The following COMMD10 variants were observed in gnomAD, a reference collection of about 807,000 sequenced individuals.
COMMD10 encodes the protein COMM domain containing 10, also known as COMM domain-containing protein 10.
In COMMD10, 33 loss-of-function variants were observed where a neutral mutation model predicts 28.9. The ratio of observed to expected loss-of-function variants is 1.14; its 90% CI spans 0.87 to 1.53. The LOEUF (loss-of-function observed/expected upper bound fraction) is 1.53, where lower values mean the gene tolerates loss of function less well. Among genes scored for constraint, COMMD10 ranks in the 40% most tolerant of loss-of-function variants. The probability of loss-of-function intolerance (pLI) is 0.00; values close to 1 mark genes in which losing one functional copy is unlikely to be tolerated. For missense variants in COMMD10, 310 were observed against 233.4 expected (o/e 1.33, Z -2.14); for synonymous variants, 110 against 81.7 (o/e 1.35, Z -1.87).
At chr5:116,114,427 C>T (rs1751162168) in intron 4 of COMMD10, among the ~76,000 whole-genome samples, 3 of 152,004 alleles carry the variant, frequency 2.0e-5, no homozygotes, top group Admixed American at 1.3e-4. Flanking sequence ...TGTGGGCTGA[C>T]CTCCAGGCTG....
chr5:116,232,174 TA>T (rs1246058931), intron 5 of COMMD10, among the ~76,000 whole-genome samples: 1 of 152,134 alleles, frequency 6.6e-6, no homozygotes, highest in Admixed American at 6.6e-5. Context: ...AAGTCCAAGT[TA>T]CATTTGGGTT....
intron 1 of COMMD10, 73 bp from the exon 2 acceptor site, chr5:116,087,424 T>G: frequency 2.2e-6 from 2 of 892,288 alleles, no homozygotes; most frequent in Non-Finnish European, 3.8e-6. Context: ...AATGAAAACT[T>G]ATAGACAACT....
chr5:116,267,167 G>T (rs1750609714), intron 5 of COMMD10, among the ~76,000 whole-genome samples: 1 of 151,892 alleles, frequency 6.6e-6, no homozygotes. Context: ...GTCCCTGTTT[G>T]CAGATGACAT....
intron 5 of COMMD10, among the ~76,000 whole-genome samples, chr5:116,215,718 ATATATATATATATG>A (rs1561671236): frequency 1.4e-5 from 2 of 144,460 alleles, no homozygotes; most frequent in Non-Finnish European, 3.0e-5. Flanking sequence ...ATATATATAT[ATATATATATATATG>A]TATATATAAT....
chr5:116,133,461 G>T (rs1387336513), intron 4 of COMMD10, among the ~76,000 whole-genome samples: 1 of 152,294 alleles, frequency 6.6e-6, no homozygotes, highest in African/African-American at 2.4e-5. Flanking sequence ...GAGTACCTTG[G>T]AAAGTATGAT....
intron 5 of COMMD10, among the ~76,000 whole-genome samples, chr5:116,159,112 C>T (rs1176746890): frequency 6.6e-6 from 1 of 152,192 alleles, no homozygotes; most frequent in Non-Finnish European, 1.5e-5. Flanking sequence ...AATAGTCATA[C>T]TTTTAAAATA....
chr5:116,190,944 T>G (rs1748349953), intron 5 of COMMD10, among the ~76,000 whole-genome samples: 1 of 152,220 alleles, frequency 6.6e-6, no homozygotes, highest in African/African-American at 2.4e-5. Context: ...TTACCAAATT[T>G]GCTGGAACTA....
rs1396227714 is a variant in COMMD10, at chr5:116,230,231, T to C, written c.511-61286T>C. On this transcript the variant is annotated intron_variant, in intron 5 of 6. Coordinates refer to ENST00000274458, the MANE Select transcript of COMMD10 (RefSeq NM_016144.4). Reference sequence around the variant, plus strand: ...TACTACGTTTCTGTTTTTGCTTTTGTTTTATTTTTATCTCCATTACTTGTT... The same window carrying C: ...TACTACGTTTCTGTTTTTGCTTTTGCTTTATTTTTATCTCCATTACTTGTT... Among the ~76,000 whole-genome samples, 4 of 151,982 alleles carry C rather than the reference T, an allele frequency of 2.6e-5. No individual in the cohort carries two copies. In the East Asian group the frequency reaches 5.8e-4, roughly 22 times the overall value.
At chr5:116,270,153 T>A (rs1429734318) in intron 5 of COMMD10, among the ~76,000 whole-genome samples, 2 of 151,906 alleles carry the variant, frequency 1.3e-5, no homozygotes, top group Non-Finnish European at 1.5e-5. Flanking sequence ...AGCAAGGTTT[T>A]ATCCTTTTAC....
intron 5 of COMMD10, among the ~76,000 whole-genome samples, chr5:116,171,722 A>G (rs1753341541): frequency 1.3e-5 from 2 of 152,146 alleles, no homozygotes; most frequent in African/African-American, 4.8e-5. Context: ...GCAAAGTAAC[A>G]CAGGAACAGA....
intron 5 of COMMD10, among the ~76,000 whole-genome samples, chr5:116,222,559 T>C (rs1561674145): frequency 6.6e-6 from 1 of 152,206 alleles, no homozygotes; most frequent in Admixed American, 6.5e-5. Flanking sequence ...TGAGGGAATT[T>C]AATGTTCTTT....
intron 5 of COMMD10, among the ~76,000 whole-genome samples, chr5:116,163,443 A>AAAAAAC (rs1752986415): frequency 6.7e-6 from 1 of 149,636 alleles, no homozygotes; most frequent in Non-Finnish European, 1.5e-5. Context: ...AAAAAAAAAA[A>AAAAAAC]GCCAGGCTTG....
intron 5 of COMMD10, among the ~76,000 whole-genome samples, chr5:116,163,838 G>A (rs1488286185): frequency 6.6e-6 from 1 of 152,074 alleles, no homozygotes; most frequent in Non-Finnish European, 1.5e-5. Flanking sequence ...TAAATTGAAT[G>A]ATGTTCAAGG....
chr5:116,199,862 G>T (rs1374812097), intron 5 of COMMD10, among the ~76,000 whole-genome samples: 1 of 152,118 alleles, frequency 6.6e-6, no homozygotes, highest in Non-Finnish European at 1.5e-5. Context: ...TTACAGGTAT[G>T]TAGCACCATG....
At chr5:116,212,766 G>A (rs1367791870) in intron 5 of COMMD10, among the ~76,000 whole-genome samples, 1 of 152,014 alleles carries the variant, frequency 6.6e-6, no homozygotes, top group Non-Finnish European at 1.5e-5. Context: ...ATATAACTTA[G>A]TACAAACATC....
At chr5:116,129,066 CA>C (rs769434430) in intron 4 of COMMD10, among the ~76,000 whole-genome samples, 5 of 151,762 alleles carry the variant, frequency 3.3e-5, no homozygotes, top group Non-Finnish European at 7.4e-5. Flanking sequence ...TGTAAACATA[CA>C]ATTCCACGTG....
intron 4 of COMMD10, among the ~76,000 whole-genome samples, chr5:116,101,461 CTG>C (rs1480439101): frequency 6.6e-6 from 1 of 151,948 alleles, no homozygotes; most frequent in East Asian, 1.9e-4. Context: ...GAGTCTTGCT[CTG>C]TCACCCAGGC....
chr5:116,275,945 CT>C (rs1750898415), intron 5 of COMMD10, among the ~76,000 whole-genome samples: 1 of 147,742 alleles, frequency 6.8e-6, no homozygotes, highest in Non-Finnish European at 1.5e-5. Context: ...AAGAAATAAA[CT>C]GAAAAAAAAA....
At chr5:116,206,670 A>G (rs1748821936) in intron 5 of COMMD10, among the ~76,000 whole-genome samples, 1 of 152,158 alleles carries the variant, frequency 6.6e-6, no homozygotes, top group Non-Finnish European at 1.5e-5. Flanking sequence ...GAAAAAAAGA[A>G]AAGAAAAAAA....
Sources: allele counts gnomAD v4.1 joint callset (sites outside exome capture counted in the v4.1 genomes callset), GRCh38; gene constraint gnomAD v4.1.1; transcripts MANE v1.5; gene names NCBI Gene and HGNC (gene_info 2026-07-23, HGNC 2026-07-21).